FBXL2: variants seen among roughly 807,000 people sequenced by gnomAD.
The protein encoded by FBXL2 is F-box and leucine rich repeat protein 2.
FBXL2 carries 38 observed loss-of-function variants against 69.2 expected under a neutral mutation model. The observed-to-expected ratio is 0.55, with a 90% confidence interval of 0.42 to 0.72. The LOEUF (loss-of-function observed/expected upper bound fraction) is 0.72. Ranked by LOEUF, FBXL2 falls within the 30% of genes least tolerant of loss-of-function variation. The probability of loss-of-function intolerance (pLI) is 0.00; values close to 1 mark genes in which losing one functional copy is unlikely to be tolerated. For synonymous variants in FBXL2, 192 were observed against 201.3 expected, an observed-to-expected ratio of 0.95 and a Z score of 0.39; for missense variants, 354 against 520.3, an observed-to-expected ratio of 0.68 and a Z score of 3.11.
At chr3:33,332,661 A>G (rs1300376057) in intron 2 of FBXL2, among the ~76,000 whole-genome samples, 1 of 152,222 alleles carries the variant, frequency 6.6e-6, no homozygotes, top group African/African-American at 2.4e-5. Flanking sequence ...ATTCAGAGCT[A>G]AATAGTATGG....
chr3:33,287,196 A>T (rs2034728541), intron 1 of FBXL2, among the ~76,000 whole-genome samples: 1 of 152,076 alleles, frequency 6.6e-6, no homozygotes, highest in South Asian at 2.1e-4. Context: ...AGGTTTACAG[A>T]CAGTTTTTTG....
downstream of FBXL2, chr3:33,392,702 A>G (rs2043816810): frequency 1.5e-6 from 2 of 1,294,852 alleles, no homozygotes; most frequent in South Asian, 1.4e-5. Context: ...ATTCTTCTCA[A>G]ACAAACACAG....
At chr3:33,300,364 A>T (rs1314730049) in intron 2 of FBXL2, among the ~76,000 whole-genome samples, 1 of 152,234 alleles carries the variant, frequency 6.6e-6, no homozygotes, top group African/African-American at 2.4e-5. Flanking sequence ...TGATGGACTC[A>T]GCTGTTAGGA....
intron 2 of FBXL2, among the ~76,000 whole-genome samples, chr3:33,346,599 T>C (rs1012499366): frequency 6.6e-6 from 1 of 151,806 alleles, no homozygotes; most frequent in African/African-American, 2.4e-5. Flanking sequence ...CTTTAAAAAA[T>C]AAAAAGGAGT....
rs2042491168 is a variant in FBXL2 at position 33,374,269 on chromosome 3, T to C, written c.657+348T>C. 2.0e-5 allele frequency among the ~76,000 whole-genome samples: 3 copies of C among 152,176 alleles called. No individual in the cohort carries two copies. In the South Asian group the frequency reaches 6.2e-4, roughly 31 times the overall value. ...AGTGTCTTTTTTTTTAACTTATAAA[T>C]TAAGGATGATGACTCCTCTCACGTT... On this transcript the variant is annotated intron_variant, in intron 9 of 14. Coordinates refer to ENST00000484457, the MANE Select transcript of FBXL2 (RefSeq NM_012157.5).
intron 11 of FBXL2, 90 bp downstream of exon 11, chr3:33,377,423 T>C: frequency 8.1e-7 from 1 of 1,241,424 alleles, no homozygotes. Flanking sequence ...TGCAAAAGAC[T>C]ACCTTCAGAA....
intron 2 of FBXL2, among the ~76,000 whole-genome samples, chr3:33,330,968 T>C (rs2039113178): frequency 6.6e-6 from 1 of 150,608 alleles, no homozygotes; most frequent in East Asian, 1.9e-4. Context: ...TATTATAAAA[T>C]ATTCTATGTT....
At chr3:33,343,370 GCTGTCCCCAACT>G (rs775709567) in intron 2 of FBXL2, among the ~76,000 whole-genome samples, 11,275 of 151,974 alleles carry the variant, frequency 0.074, 606 homozygotes, top group Non-Finnish European at 0.12. Context: ...GATTTCAGTT[GCTGTCCCCAACT>G]GAAACTTCAG....
intron 2 of FBXL2, among the ~76,000 whole-genome samples, chr3:33,306,902 T>C (rs1364183295): frequency 6.6e-6 from 1 of 152,150 alleles, no homozygotes; most frequent in Non-Finnish European, 1.5e-5. Flanking sequence ...ATTCTTTTTC[T>C]TCCCACTTAG....
chr3:33,419,355 C>T, the FBXL2 span, among the ~76,000 whole-genome samples: 3,337 of 152,066 alleles, frequency 0.022, 121 homozygotes, highest in African/African-American at 0.075. Context: ...TTAGGCTGGG[C>T]GCAGTGGCTC....
At chr3:33,393,228 T>A in intron 12 of FBXL2, 1 of 1,347,420 alleles carries the variant, frequency 7.4e-7, no homozygotes, top group Non-Finnish European at 9.9e-7. Context: ...TCAAAAGAGG[T>A]CACAGAATTT....
chr3:33,317,277 G>A (rs886830150), intron 2 of FBXL2, among the ~76,000 whole-genome samples: 3 of 152,134 alleles, frequency 2.0e-5, no homozygotes, highest in Non-Finnish European at 2.9e-5. Flanking sequence ...CTCTCGCACC[G>A]TGTTGGTGAT....
chr3:33,396,893 A>G (rs1200405504), intron 12 of FBXL2: 4 of 755,050 alleles, frequency 5.3e-6, no homozygotes, highest in Non-Finnish European at 9.3e-6. Context: ...AGGTGTACAC[A>G]AAACAGTCTT....
chr3:33,366,870 A>G (rs1226693609), intron 5 of FBXL2, among the ~76,000 whole-genome samples: 1 of 152,198 alleles, frequency 6.6e-6, no homozygotes, highest in Non-Finnish European at 1.5e-5. Context: ...AGGCTGAAGC[A>G]GGAGAATGGC....
In FBXL2 at chr3:33,311,852, C is replaced by CA. The variant is rs1351288971; in HGVS notation, c.65+14127_65+14128insA. ...TGTTAGCCAGGATGGTCTCGATCTCCTGACCCCATGATCCCTCGCCTTGGC... is the reference window on the plus strand; with the variant it reads ...TGTTAGCCAGGATGGTCTCGATCTCCATGACCCCATGATCCCTCGCCTTGGC... On this transcript the variant is annotated intron_variant, in intron 2 of 14. Transcript: ENST00000484457. Among the ~76,000 whole-genome samples, 42 of 152,208 alleles carry CA rather than the reference C, an allele frequency of 2.8e-4. No individual in the cohort carries two copies. The South Asian group carries it at 7.9e-3, about 29-fold the overall frequency.
chr3:33,347,318 T>C (rs972719537), intron 2 of FBXL2, among the ~76,000 whole-genome samples: 3 of 152,242 alleles, frequency 2.0e-5, no homozygotes, highest in Non-Finnish European at 2.9e-5. Flanking sequence ...TTTGTATGGC[T>C]GAATGTATAT....
chr3:33,322,855 G>A (rs573059111), intron 2 of FBXL2, among the ~76,000 whole-genome samples: 3 of 152,126 alleles, frequency 2.0e-5, no homozygotes, highest in Non-Finnish European at 4.4e-5. Flanking sequence ...AATTTGAAAG[G>A]TATGATGAAG....
chr3:33,340,246 T>C (rs1337492914), intron 2 of FBXL2, among the ~76,000 whole-genome samples: 1 of 152,198 alleles, frequency 6.6e-6, no homozygotes, highest in African/African-American at 2.4e-5. Flanking sequence ...ACCTAGGATT[T>C]GTATACCTTA....
At chr3:33,297,368 C>T (rs2035838529) in intron 1 of FBXL2, among the ~76,000 whole-genome samples, 1 of 152,128 alleles carries the variant, frequency 6.6e-6, no homozygotes, top group Non-Finnish European at 1.5e-5. Flanking sequence ...GGTTGTTTTA[C>T]TTCTTCCTTT....
Sources: gnomAD v4.1 joint callset for allele counts (sites outside exome capture counted in the v4.1 genomes callset) on GRCh38, gnomAD v4.1.1 for gene constraint, MANE v1.5 for transcripts, NCBI Gene and HGNC (gene_info 2026-07-23, HGNC 2026-07-21) for gene names.